CCDC142: variants seen among roughly 807,000 people sequenced by gnomAD.
CCDC142 encodes the protein coiled-coil domain-containing protein 142.
In CCDC142, 67 loss-of-function variants were observed where a neutral mutation model predicts 83.8. The ratio of observed to expected loss-of-function variants is 0.80; its 90% CI spans 0.66 to 0.98. CCDC142 has a LOEUF of 0.98. Ranked by LOEUF, CCDC142 falls within the 50% of genes least tolerant of loss-of-function variation. CCDC142 has a pLI of 0.00. For missense variants in CCDC142, 905 were observed against 946.8 expected (o/e 0.96, Z 0.58); for synonymous variants, 421 against 421.2 (o/e 1.00, Z 0.01).
At chr2:74,481,649 G>C in intron 1 of CCDC142, 111 bp from the exon 2 acceptor site, 1 of 1,370,094 alleles carries the variant, frequency 7.3e-7, no homozygotes, top group Non-Finnish European at 1.0e-6. Context: ...TCGGGACTGG[G>C]GTGGAAAGCA....
rs144058837 is a variant in CCDC142 at position 74,474,572 on chromosome 2, A to C, written c.2227T>G (p.Cys743Gly). ...TAGGATTCAGGACTGGTTCCCAGGC[A>C]GGAAAAAAACGGCAGGTGCCAACGG... The part of the protein sequence containing the change: ...RPRWHLPFFS[C>G]LGTSPES The change falls in exon 9 of 9, where the codon TGC becomes GGC. Residue 743 changes from cysteine to glycine, a missense_variant. By Grantham distance (159) the Cys-to-Gly change is radical (BLOSUM62 -3). This residue lies in a region of CCDC142 where 265 missense variants were observed against 288.9 expected (regional missense o/e 0.92). Transcript: ENST00000393965. 4 of 1,613,492 alleles carry C rather than the reference A, an allele frequency of 2.5e-6. No individual in the cohort carries two copies. In the African/African-American group the frequency reaches 5.3e-5, roughly 22 times the overall value.
intron 5 of CCDC142, among the ~76,000 whole-genome samples, chr2:74,476,194 G>A (rs11676733): frequency 0.37 from 55,628 of 151,570 alleles, 17,041 homozygotes; most frequent in East Asian, 0.82. Flanking sequence ...TATTTTTGAG[G>A]CAGAGTCTTG....
In CCDC142 at chr2:74,482,624, C is replaced by T. The variant is rs967443940; in HGVS notation, c.214G>A (p.Ala72Thr). The change falls in exon 1 of 9, where the codon GCG becomes ACG. Residue 72 changes from alanine (A) to threonine (T), a missense_variant. Transcript: ENST00000393965. The surrounding 1 kb of genome is among the most constrained non-coding windows in gnomAD (Gnocchi z 5.0). The stretch of plus-strand genomic sequence containing the variant: ...CCTGCGGGCCCCCGCCTCCAGGCCG[C>T]AGCATCAGCCTCGTAGTCCTCGCTC... ...DVSEDYEADA[A>T]AWRRGPAGGG... 3 of 1,610,082 alleles carry T rather than the reference C, an allele frequency of 1.9e-6. No homozygotes were observed. The highest frequency in any genetic ancestry group is 2.5e-6 in the Non-Finnish European group (3 of 1,178,536).
At position 74,475,127 on chromosome 2, in the gene CCDC142, G is replaced by A. The variant is rs1379350817; in HGVS notation, c.1797-12C>T. ...GCGCTCCCTGCAGGCTGAAGGCAGAGGTACAGTATGGCCACTTGACCCTCC... is the reference window on the plus strand; with the variant it reads ...GCGCTCCCTGCAGGCTGAAGGCAGAAGTACAGTATGGCCACTTGACCCTCC... On this transcript the variant is annotated splice_polypyrimidine_tract_variant and intron_variant, in intron 7 of 8. Transcript: ENST00000393965. 1 of 1,610,124 alleles carries A rather than the reference G, an allele frequency of 6.2e-7. No individual in the cohort carries two copies. The highest frequency in any genetic ancestry group is 8.5e-7 in the Non-Finnish European group (1 of 1,177,684).
rs1672515452 is a variant in CCDC142 at position 74,482,156 on chromosome 2, G to A, written c.682C>T (p.Arg228Cys). ...AGCACACGGGACGTGGGGAAAGGAC[G>A]TGCGGCCCCTGGGACGTGGCTCAAG... is the stretch of plus-strand genomic sequence containing the variant. Reference protein sequence around the residue: ...KALSHVPGAARPFPTSRVLRL... With the variant: ...KALSHVPGAACPFPTSRVLRL... Residue 228 changes from arginine to cysteine, a missense_variant, in exon 1 of 9, where the codon CGT becomes TGT. Around this residue, in one of 3 missense-constraint regions of CCDC142, gnomAD observed 591 missense variants for 571.4 expected, o/e 1.03. Coordinates refer to ENST00000393965, the MANE Select transcript of CCDC142 (RefSeq NM_001365575.2). The surrounding 1 kb of genome is among the most constrained non-coding windows in gnomAD (Gnocchi z 5.0). The A allele has an allele frequency of 6.2e-7, 1 of 1,613,758 alleles. No individual in the cohort carries two copies. The highest frequency in any genetic ancestry group is 8.5e-7 in the Non-Finnish European group (1 of 1,179,954).
rs773284655 is a variant in CCDC142, at chr2:74,482,033, G to T, written c.805C>A (p.Gln269Lys). ...ALRDQLRRRCQEEGDLLPGLL... is the reference protein window; with the variant it reads ...ALRDQLRRRCKEEGDLLPGLL... ...CCTGGTAGCAGATCCCCCTCCTCTT[G>T]GCACCGCCTGCGGAGCTGGTCCCTC... is the stretch of plus-strand genomic sequence containing the variant. Residue 269 changes from glutamine (Q) to lysine (K), a missense_variant, in exon 1 of 9, where the codon CAA becomes AAA. This residue lies in a region of CCDC142 where 591 missense variants were observed against 571.4 expected (regional missense o/e 1.03). Coordinates refer to ENST00000393965, the MANE Select transcript of CCDC142 (RefSeq NM_001365575.2). The surrounding 1 kb of genome is among the most constrained non-coding windows in gnomAD (Gnocchi z 5.0). 1 of 1,613,618 alleles carries T rather than the reference G, an allele frequency of 6.2e-7. No individual in the cohort carries two copies. Among genetic ancestry groups the T allele is most frequent in the South Asian group, 1.1e-5 (1 of 91,086 alleles).
rs1368577423 is a variant in CCDC142 at position 74,474,971 on chromosome 2, A to G, written c.1941T>C (p.Cys647=). ...IFQQLDGALL[C]LLQQPLPKSQ... ...ACTTGGGCAGGGGCTGCTGCAACAG[A>G]CACAGCAGGGCCCCATCCAGCTGCT... Residue 647 remains cysteine, a synonymous_variant, in exon 8 of 9, where the codon TGT becomes TGC. Transcript: ENST00000393965. The G allele has an allele frequency of 6.2e-7, 1 of 1,612,212 alleles. No individual in the cohort carries two copies. Among genetic ancestry groups the G allele is most frequent in the East Asian group, 2.2e-5 (1 of 44,860 alleles).
intron 7 of CCDC142, 53 bp from the exon 8 acceptor site, chr2:74,475,168 T>C: frequency 6.2e-7 from 1 of 1,613,138 alleles, no homozygotes; most frequent in Non-Finnish European, 8.5e-7. Context: ...CTCCCACTTA[T>C]CCCCTTCCTT....
At chr2:74,476,323 C>A (rs1331883473) in intron 5 of CCDC142, among the ~76,000 whole-genome samples, 2 of 152,072 alleles carry the variant, frequency 1.3e-5, no homozygotes, top group Non-Finnish European at 2.9e-5. Context: ...CAGGAGTGCA[C>A]CACCACACCC....
chr2:74,476,176 C>T (rs111327230), intron 5 of CCDC142, among the ~76,000 whole-genome samples: 2,857 of 150,524 alleles, frequency 0.019, 57 homozygotes, highest in African/African-American at 0.05. Context: ...GGAATTACAA[C>T]GACCTTTTAT....
rs1672519626 is a variant in CCDC142 at position 74,482,201 on chromosome 2, G to A, written c.637C>T (p.His213Tyr). The change falls in exon 1 of 9, where the codon CAC becomes TAC. Residue 213 changes from histidine (H) to tyrosine (Y), a missense_variant. Physicochemically the swap from His to Tyr is moderately conservative, Grantham distance 83. Around this residue, in one of 3 missense-constraint regions of CCDC142, gnomAD observed 591 missense variants for 571.4 expected, o/e 1.03. Coordinates refer to ENST00000393965, the MANE Select transcript of CCDC142 (RefSeq NM_001365575.2). This position sits in a 1 kb window ranked among gnomAD's most constrained non-coding sequence, Gnocchi z 5.0. ...CTCAAGGCTTTTCTCTGTAGTGTGT[G>A]GTAGGCGGGAAGTGCAAAGAGCAGC... ...AELLFALPAYHTLQRKALSHV... is the reference protein window; with the variant it reads ...AELLFALPAYYTLQRKALSHV... 6.2e-7 allele frequency: 1 copy of A among 1,613,682 alleles called. No individual in the cohort carries two copies. Among genetic ancestry groups the A allele is most frequent in the African/African-American group, 1.3e-5 (1 of 75,066 alleles).
Position 74,482,027 on chromosome 2 carries a change from C to T in CCDC142, c.811G>A (p.Glu271Lys). 6 of 1,613,718 alleles carry T rather than the reference C, an allele frequency of 3.7e-6. No homozygotes were observed. The South Asian group carries it at 6.6e-5, about 18-fold the overall frequency. Residue 271 changes from glutamate to lysine, a missense_variant, in exon 1 of 9, where the codon GAG becomes AAG. Transcript: ENST00000393965. This position sits in a 1 kb window ranked among gnomAD's most constrained non-coding sequence, Gnocchi z 5.0. ...AGCAGCCCTGGTAGCAGATCCCCCT[C>T]CTCTTGGCACCGCCTGCGGAGCTGG... ...RDQLRRRCQE[E>K]GDLLPGLLGL...
Position 74,481,342 on chromosome 2 carries a change from C to T in CCDC142, c.1139G>A (p.Gly380Glu). 1.9e-6 allele frequency: 3 copies of T among 1,614,080 alleles called. No homozygotes were observed. Among genetic ancestry groups the T allele is most frequent in the Non-Finnish European group, 2.5e-6 (3 of 1,180,014 alleles). ...GFCQALGSAL[G>E]GQSSLPTSSG... ...GGATGTGGGAAGGCTGCTCTGACCCCCAAGAGCTGATCCCAAGGCCTGGCA... is the reference window on the plus strand; with the variant it reads ...GGATGTGGGAAGGCTGCTCTGACCCTCAAGAGCTGATCCCAAGGCCTGGCA... The change falls in exon 3 of 9, where the codon GGG becomes GAG. Residue 380 changes from glycine (G) to glutamate (E), a missense_variant. Transcript: ENST00000393965.
In CCDC142 at chr2:74,472,932, T is replaced by TTA. The variant is rs1473472922; in HGVS notation, c.*1613_*1614insTA. The TTA allele has an allele frequency of 3.8e-6, 2 of 521,598 alleles. No individual in the cohort carries two copies. Among genetic ancestry groups the TTA allele is most frequent in the African/African-American group, 3.8e-5 (2 of 51,968 alleles). 32.3% of individuals were successfully genotyped at this position (521,598 alleles called of 1,614,324 possible). A position where few individuals can be genotyped will look rare whatever the true frequency, so the allele number is the denominator to read the frequency against. The stretch of plus-strand genomic sequence containing the variant: ...TACGACGGTGAAAACCATAAATAAA[T>TTA]GGCGCAAAAACCTCTTTGCACGAAA... On this transcript the variant is annotated 3_prime_UTR_variant, in exon 9 of 9. Transcript: ENST00000393965.
chr2:74,482,678 T>C lies in CCDC142; in HGVS notation c.160A>G (p.Thr54Ala). 1 of 1,610,670 alleles carries C rather than the reference T, an allele frequency of 6.2e-7. No homozygotes were observed. Among genetic ancestry groups the C allele is most frequent in the East Asian group, 2.2e-5 (1 of 44,872 alleles). ...HCWPSGTSGG[T>A]PWWPTPADVS... ...TCCGCCGGCGTCGGCCACCACGGCGTCCCTCCAGAAGTTCCGCTCGGCCAG... is the reference window on the plus strand; with the variant it reads ...TCCGCCGGCGTCGGCCACCACGGCGCCCCTCCAGAAGTTCCGCTCGGCCAG... Residue 54 changes from threonine (T) to alanine (A), a missense_variant, in exon 1 of 9, where the codon ACG becomes GCG. By Grantham distance (58) the Thr-to-Ala change is moderately conservative. Transcript: ENST00000393965. The surrounding 1 kb of genome is among the most constrained non-coding windows in gnomAD (Gnocchi z 5.0).
In CCDC142 at chr2:74,482,969, C is replaced by T. The variant is rs1572934737; in HGVS notation, c.-132G>A. 6.4e-7 allele frequency: 1 copy of T among 1,560,502 alleles called. No homozygotes were observed. The highest frequency in any genetic ancestry group is 2.3e-5 in the East Asian group (1 of 44,390). ...CGGGAGTCGCGGGGACCTTCATGGACTCTCTCGTGCTCCGTAATGGGAGGC... is the reference window on the plus strand; with the variant it reads ...CGGGAGTCGCGGGGACCTTCATGGATTCTCTCGTGCTCCGTAATGGGAGGC... On this transcript the variant is annotated 5_prime_UTR_variant, in exon 1 of 9. Transcript: ENST00000393965. The surrounding 1 kb of genome is among the most constrained non-coding windows in gnomAD (Gnocchi z 5.0).
chr2:74,472,855 G>A lies in CCDC142; in HGVS notation c.*1691C>T, dbSNP rs936951365. 1.1e-5 allele frequency: 7 copies of A among 619,604 alleles called. No individual in the cohort carries two copies. The highest frequency in any genetic ancestry group is 1.8e-5 in the African/African-American group (1 of 54,112). The allele number at this position is 619,604 out of a possible 1,614,324, so 38.4% of individuals were successfully genotyped here. A position where few individuals can be genotyped will look rare whatever the true frequency, so the allele number is the denominator to read the frequency against. On this transcript the variant is annotated 3_prime_UTR_variant, in exon 9 of 9. Coordinates refer to ENST00000393965, the MANE Select transcript of CCDC142 (RefSeq NM_001365575.2). The stretch of plus-strand genomic sequence containing the variant: ...GGTGGTTTCGGCACAACGCATGGGG[G>A]AGCCCAAAGTAGGCTGTCAGCAAAT...
chr2:74,476,076 CACACACACACACACACACACACACACAG>C (rs1374069227), intron 5 of CCDC142, among the ~76,000 whole-genome samples: 1 of 150,202 alleles, frequency 6.7e-6, no homozygotes, highest in East Asian at 2.0e-4. Context: ...CACACACACA[CACACACACACACACACACACACACACAG>C]AGCATATGCC....
rs973935320 is a variant in CCDC142 at position 74,472,853 on chromosome 2, G to A, written c.*1693C>T. The A allele has an allele frequency of 1.6e-6, 1 of 624,118 alleles. No homozygotes were observed. Among genetic ancestry groups the A allele is most frequent in the Non-Finnish European group, 2.8e-6 (1 of 356,436 alleles). The allele number at this position is 624,118 out of a possible 1,614,324, so 38.7% of individuals were successfully genotyped here. On this transcript the variant is annotated 3_prime_UTR_variant, in exon 9 of 9. Transcript: ENST00000393965. The stretch of plus-strand genomic sequence containing the variant: ...GAGGTGGTTTCGGCACAACGCATGG[G>A]GGAGCCCAAAGTAGGCTGTCAGCAA...
Sources: allele counts gnomAD v4.1 joint callset (sites outside exome capture counted in the v4.1 genomes callset), GRCh38; gene constraint gnomAD v4.1.1; regional missense constraint gnomAD v4.1.1; non-coding constraint Gnocchi (gnomAD v3.1); transcripts MANE v1.5; gene names NCBI Gene and HGNC (gene_info 2026-07-23, HGNC 2026-07-21).